STAT1: variants seen among roughly 807,000 people sequenced by gnomAD.
STAT1 encodes signal transducer and activator of transcription 1.
Under a neutral mutation model 111.7 loss-of-function variants are expected in STAT1, and 24 were observed. That is an observed-to-expected ratio of 0.21 (90% CI 0.16 to 0.30). The LOEUF is 0.30. Among genes scored for constraint, STAT1 ranks in the 10% least tolerant of loss-of-function variants. STAT1 has a pLI of 1.00. For synonymous variants in STAT1, 332 were observed against 326.5 expected (o/e 1.02, Z -0.18); for missense variants, 351 against 911.9 (o/e 0.38, Z 7.92).
At position 190,999,494 on chromosome 2, in the gene STAT1, G is replaced by A; in HGVS notation, c.541+132C>T. ...ATAATATTGGATGTTGAGAAGCCCT[G>A]GCCTGGGTTATCAAGGAAGAATTCA... On this transcript the variant is annotated intron_variant, in intron 7 of 24. Transcript: ENST00000361099. This position sits in a 1 kb window ranked among gnomAD's most constrained non-coding sequence, Gnocchi z 4.1. 1.4e-6 allele frequency: 1 copy of A among 728,148 alleles called. No homozygotes were observed. The highest frequency in any genetic ancestry group is 2.5e-6 in the Non-Finnish European group (1 of 402,574). 45.1% of individuals were successfully genotyped at this position (728,148 alleles called of 1,614,324 possible).
Position 190,994,926 on chromosome 2 carries a change from AAATATATAT to A in STAT1, c.944+126_944+134del, listed in dbSNP as rs1460284047. 216 of 103,652 alleles carry A rather than the reference AAATATATAT, an allele frequency of 2.1e-3. 1 individual carries two copies. Among genetic ancestry groups the A allele is most frequent in the African/African-American group, 9.4e-3 (158 of 16,860 alleles). The allele number at this position is 103,652 out of a possible 1,614,324, so 6.4% of individuals were successfully genotyped here. ...TGAGACTCTATCTCAAAAAAAAAAA[AAATATATAT>A]ATATATATATATATATATATATAAA... is the stretch of plus-strand genomic sequence containing the variant. On this transcript the variant is annotated intron_variant, in intron 10 of 24. Coordinates refer to ENST00000361099, the MANE Select transcript of STAT1 (RefSeq NM_007315.4).
rs1034820829 is a variant in STAT1, at chr2:190,976,703, C to G, written c.2059+137G>C. On this transcript the variant is annotated intron_variant, in intron 22 of 24. Transcript: ENST00000361099. The surrounding 1 kb of genome is among the most constrained non-coding windows in gnomAD (Gnocchi z 6.0). ...AATAATGCATTATGTTTCACCTGCA[C>G]TGAGTTTATGCCATCTTTTGAAAGC... 1 of 746,516 alleles carries G rather than the reference C, an allele frequency of 1.3e-6. No homozygotes were observed. The highest frequency in any genetic ancestry group is 1.7e-5 in the African/African-American group (1 of 57,754). 46.2% of individuals were successfully genotyped at this position (746,516 alleles called of 1,614,324 possible). A position where few individuals can be genotyped will look rare whatever the true frequency, so the allele number is the denominator to read the frequency against.
In STAT1 at chr2:190,981,464, T is replaced by C. The variant is rs1315340034; in HGVS notation, c.1583-795A>G. On this transcript the variant is annotated intron_variant, in intron 18 of 24. Transcript: ENST00000361099. The surrounding 1 kb of genome is among the most constrained non-coding windows in gnomAD (Gnocchi z 4.1). The stretch of plus-strand genomic sequence containing the variant: ...AAGCAGCCTGGGCGAGAAGAGGCGG[T>C]AAGCCCATTATCGGTCTTCAAAGAG... 6.6e-6 allele frequency among the ~76,000 whole-genome samples: 1 copy of C among 152,214 alleles called. No individual in the cohort carries two copies. The highest frequency in any genetic ancestry group is 1.5e-5 in the Non-Finnish European group (1 of 68,034).
intron 10 of STAT1, chr2:190,992,847 T>A: frequency 3.1e-6 from 1 of 320,666 alleles, no homozygotes; most frequent in Non-Finnish European, 5.5e-6. Context: ...TGGAGAGCAA[T>A]GGCGCAATCT....
In STAT1 at chr2:190,969,447, C is replaced by T. The variant is rs557207722; in HGVS notation, c.*1256G>A. On this transcript the variant is annotated 3_prime_UTR_variant, in exon 25 of 25. Coordinates refer to ENST00000361099, the MANE Select transcript of STAT1 (RefSeq NM_007315.4). ...GAAAAACAAGATACAGCCACATAGA[C>T]AGCAGTATGTAAAAGGGAAGAACCT... 1 of 152,122 alleles carries T rather than the reference C, an allele frequency of 6.6e-6. No homozygotes were observed. Among genetic ancestry groups the T allele is most frequent in the South Asian group, 2.1e-4 (1 of 4,830 alleles). The allele number at this position is 152,122 out of a possible 1,614,324, so 9.4% of individuals were successfully genotyped here. A position where few individuals can be genotyped will look rare whatever the true frequency, so the allele number is the denominator to read the frequency against.
chr2:190,985,344 G>A (rs572119712), intron 15 of STAT1, among the ~76,000 whole-genome samples: 13 of 152,284 alleles, frequency 8.5e-5, no homozygotes, highest in African/African-American at 2.2e-4. Flanking sequence ...TTCTTCACCC[G>A]TAAGATGCGA....
chr2:191,002,146 T>C (rs1161030116), intron 5 of STAT1, among the ~76,000 whole-genome samples: 1 of 152,228 alleles, frequency 6.6e-6, no homozygotes, highest in Admixed American at 6.5e-5. Context: ...CCTTTTTTTC[T>C]TTTTAACTTT....
rs1412914643 is a variant in STAT1, at chr2:190,998,828, AAAT to A, written c.542-523_542-521del. ...TTATTATTATTATAAAAATAAATGTAAATAATAAAATGTTTTATCTGAACAGAA... is the reference window on the plus strand; with the variant it reads ...TTATTATTATTATAAAAATAAATGTAAATAAAATGTTTTATCTGAACAGAA... On this transcript the variant is annotated intron_variant, in intron 7 of 24. Transcript: ENST00000361099. The surrounding 1 kb of genome is among the most constrained non-coding windows in gnomAD (Gnocchi z 4.1). Among the ~76,000 whole-genome samples, 3 of 151,838 alleles carry A rather than the reference AAAT, an allele frequency of 2.0e-5. No individual in the cohort carries two copies. The highest frequency in any genetic ancestry group is 6.5e-5 in the Admixed American group (1 of 15,270).
chr2:191,009,069 C>T lies in STAT1; in HGVS notation c.167G>A (p.Arg56His), dbSNP rs1473494120. ...AANDVSFATIRFHDLLSQLDD... is the reference protein window; with the variant it reads ...AANDVSFATIHFHDLLSQLDD... The stretch of plus-strand genomic sequence containing the variant: ...CAGCTGTGACAGGAGGTCATGAAAA[C>T]GGATGGTGGCAAATGAAACATCATT... Residue 56 changes from arginine to histidine, a missense_variant, in exon 4 of 25, where the codon CGT becomes CAT. Around this residue, in one of 7 missense-constraint regions of STAT1, gnomAD observed 44 missense variants for 144.2 expected, o/e 0.31. Transcript: ENST00000361099. 8 of 1,614,050 alleles carry T rather than the reference C, an allele frequency of 5.0e-6. No homozygotes were observed. Among genetic ancestry groups the T allele is most frequent in the Non-Finnish European group, 6.8e-6 (8 of 1,179,964 alleles).
rs754685216 is a variant in STAT1, at chr2:190,980,584, A to C, written c.1632+36T>G. On this transcript the variant is annotated intron_variant, in intron 19 of 24. Coordinates refer to ENST00000361099, the MANE Select transcript of STAT1 (RefSeq NM_007315.4). This position sits in a 1 kb window ranked among gnomAD's most constrained non-coding sequence, Gnocchi z 6.1. ...ATGAGAACCTCAACCAAGAGCAAAA[A>C]GGACTTAGAGAGCATAAAACCCAGA... 3 of 1,609,024 alleles carry C rather than the reference A, an allele frequency of 1.9e-6. No individual in the cohort carries two copies. The East Asian group carries it at 6.7e-5, about 36-fold the overall frequency.
In STAT1 at chr2:190,983,593, G is replaced by A. The variant is rs757147021; in HGVS notation, c.1446+49C>T. On this transcript the variant is annotated intron_variant, in intron 17 of 24. Coordinates refer to ENST00000361099, the MANE Select transcript of STAT1 (RefSeq NM_007315.4). This position sits in a 1 kb window ranked among gnomAD's most constrained non-coding sequence, Gnocchi z 5.7. ...ATTTCAGAGATGCAGCAGTGAGAGC[G>A]TGGGGTCTCTGCTTAACCCTGGGAC... The A allele has an allele frequency of 2.0e-5, 31 of 1,519,542 alleles. No individual in the cohort carries two copies. Among genetic ancestry groups the A allele is most frequent in the Non-Finnish European group, 2.6e-5 (28 of 1,094,096 alleles). The allele number at this position is 1,519,542 out of a possible 1,614,324, so 94.1% of individuals were successfully genotyped here.
In STAT1 at chr2:190,970,783, AAAC is replaced by A. The variant is rs1691393383; in HGVS notation, c.2239-69_2239-67del. 2 of 1,444,904 alleles carry A rather than the reference AAAC, an allele frequency of 1.4e-6. No individual in the cohort carries two copies. The highest frequency in any genetic ancestry group is 2.8e-5 in the African/African-American group (2 of 71,466). The allele number at this position is 1,444,904 out of a possible 1,614,324, so 89.5% of individuals were successfully genotyped here. On this transcript the variant is annotated intron_variant, in intron 24 of 24. Coordinates refer to ENST00000361099, the MANE Select transcript of STAT1 (RefSeq NM_007315.4). The surrounding 1 kb of genome is among the most constrained non-coding windows in gnomAD (Gnocchi z 5.4). ...CTTGTGAAATGCAGACTCATACATT[AAAC>A]ATTGCTTGTCTATTCTAGAATGAAG...
chr2:190,974,794 A>G lies in STAT1; in HGVS notation c.2238+36T>C. 1.3e-6 allele frequency: 2 copies of G among 1,562,106 alleles called. No individual in the cohort carries two copies. The highest frequency in any genetic ancestry group is 1.8e-6 in the Non-Finnish European group (2 of 1,132,726). ...TCCCTGCCTCTGAGCACACACACTT[A>G]TTGAGAGCTACACACAGGCCAGCCG... On this transcript the variant is annotated intron_variant, in intron 24 of 24. Coordinates refer to ENST00000361099, the MANE Select transcript of STAT1 (RefSeq NM_007315.4). The surrounding 1 kb of genome is among the most constrained non-coding windows in gnomAD (Gnocchi z 4.8).
rs1246162180 is a variant in STAT1, at chr2:190,980,293, C to A, written c.1632+327G>T. On this transcript the variant is annotated intron_variant, in intron 19 of 24. Coordinates refer to ENST00000361099, the MANE Select transcript of STAT1 (RefSeq NM_007315.4). The surrounding 1 kb of genome is among the most constrained non-coding windows in gnomAD (Gnocchi z 6.1). Reference sequence around the variant, plus strand: ...AGGCCGTTAAACTCGTCTGGCTGGTCAGGCTGCGCCACCCAGCCCACAACA... The same window carrying A: ...AGGCCGTTAAACTCGTCTGGCTGGTAAGGCTGCGCCACCCAGCCCACAACA... 3.3e-5 allele frequency among the ~76,000 whole-genome samples: 5 copies of A among 152,260 alleles called. No homozygotes were observed. The highest frequency in any genetic ancestry group is 9.6e-5 in the African/African-American group (4 of 41,474).
rs2125026397 is a variant in STAT1 at position 190,984,765 on chromosome 2, T to C, written c.1264-372A>G. On this transcript the variant is annotated intron_variant, in intron 15 of 24. Coordinates refer to ENST00000361099, the MANE Select transcript of STAT1 (RefSeq NM_007315.4). This position sits in a 1 kb window ranked among gnomAD's most constrained non-coding sequence, Gnocchi z 5.2. ...GAGAGGACTGGGAGTAAGTGCATAC[T>C]TGTGATTGTCTACTGCCTACCGGAA... Among the ~76,000 whole-genome samples, 1 of 152,338 alleles carries C rather than the reference T, an allele frequency of 6.6e-6. No individual in the cohort carries two copies. Among genetic ancestry groups the C allele is most frequent in the African/African-American group, 2.4e-5 (1 of 41,574 alleles).
rs1269885809 is a variant in STAT1 at position 190,996,596 on chromosome 2, G to C, written c.785+1260C>G. ...TGGCCACCTGAAGGGCTTTAGGGTTGTATGTATCCCTCAAGGCACATGGGG... is the reference window on the plus strand; with the variant it reads ...TGGCCACCTGAAGGGCTTTAGGGTTCTATGTATCCCTCAAGGCACATGGGG... On this transcript the variant is annotated intron_variant, in intron 9 of 24. Transcript: ENST00000361099. This position sits in a 1 kb window ranked among gnomAD's most constrained non-coding sequence, Gnocchi z 4.5. 1.3e-5 allele frequency among the ~76,000 whole-genome samples: 2 copies of C among 152,228 alleles called. No individual in the cohort carries two copies. Among genetic ancestry groups the C allele is most frequent in the Non-Finnish European group, 2.9e-5 (2 of 68,026 alleles).
rs1324936880 is a variant in STAT1 at position 190,978,384 on chromosome 2, T to G, written c.1873+472A>C. 1.0e-5 allele frequency: 2 copies of G among 195,410 alleles called. No individual in the cohort carries two copies. The highest frequency in any genetic ancestry group is 4.6e-5 in the African/African-American group (2 of 43,692). 12.1% of individuals were successfully genotyped at this position (195,410 alleles called of 1,614,324 possible). A position where few individuals can be genotyped will look rare whatever the true frequency, so the allele number is the denominator to read the frequency against. ...AAGATAAATTTGCAGCTGCTCTGTT[T>G]GAAGGCAGGGTAGAGGCTGCCACTC... On this transcript the variant is annotated intron_variant, in intron 21 of 24. Transcript: ENST00000361099. The surrounding 1 kb of genome is among the most constrained non-coding windows in gnomAD (Gnocchi z 6.1).
In STAT1 at chr2:190,995,048, T is replaced by TC; in HGVS notation, c.944+12dup. On this transcript the variant is annotated intron_variant, in intron 10 of 24. Coordinates refer to ENST00000361099, the MANE Select transcript of STAT1 (RefSeq NM_007315.4). This position sits in a 1 kb window ranked among gnomAD's most constrained non-coding sequence, Gnocchi z 4.2. The stretch of plus-strand genomic sequence containing the variant: ...CGATTACAGAAGGTACAAATAAATG[T>TC]CCCTTGAGTTACCTCTGAATGAGCT... The TC allele has an allele frequency of 6.2e-7, 1 of 1,613,036 alleles. No individual in the cohort carries two copies. Among genetic ancestry groups the TC allele is most frequent in the Non-Finnish European group, 8.5e-7 (1 of 1,179,424 alleles).
In STAT1 at chr2:190,974,954, G is replaced by A. The variant is rs368229656; in HGVS notation, c.2136-22C>T. The A allele has an allele frequency of 2.6e-5, 40 of 1,566,920 alleles. 1 individual carries two copies. The Middle Eastern group carries it at 8.3e-4, about 33-fold the overall frequency. On this transcript the variant is annotated intron_variant, in intron 23 of 24. Coordinates refer to ENST00000361099, the MANE Select transcript of STAT1 (RefSeq NM_007315.4). This position sits in a 1 kb window ranked among gnomAD's most constrained non-coding sequence, Gnocchi z 4.8. ...GTGACTAAAATGGGGAAAAAGAAAA[G>A]AGCAATGTCAACATCTGAGTGATGA...
Sources: gnomAD v4.1 joint callset for allele counts (sites outside exome capture counted in the v4.1 genomes callset) on GRCh38, gnomAD v4.1.1 for gene constraint, gnomAD v4.1.1 regional missense constraint, Gnocchi (gnomAD v3.1) non-coding constraint, MANE v1.5 for transcripts, NCBI Gene and HGNC (gene_info 2026-07-23, HGNC 2026-07-21) for gene names.